Variants in SAMSN1 observed in about 807,000 individuals in gnomAD.
The protein encoded by SAMSN1 is SAM domain, SH3 domain and nuclear localization signals 1.
Under a neutral mutation model 42.0 loss-of-function variants are expected in SAMSN1, and 31 were observed. The observed-to-expected ratio is 0.74, with a 90% CI of 0.55 to 1.00. SAMSN1 has a LOEUF of 1.00. SAMSN1 is among the 50% of genes least tolerant of loss of function. SAMSN1 has a pLI of 0.00. For synonymous variants in SAMSN1, 178 were observed against 151.9 expected, an observed-to-expected ratio of 1.17 and a Z score of -1.26; for missense variants, 464 against 439.4, an observed-to-expected ratio of 1.06 and a Z score of -0.50.
At chr21:14,600,532 A>G (rs1330683447) in intron 6 of SAMSN1, among the ~76,000 whole-genome samples, 2 of 152,200 alleles carry the variant, frequency 1.3e-5, no homozygotes, top group Admixed American at 6.5e-5. Context: ...ATTTGGAAGC[A>G]CCATTTCTTG....
chr21:14,628,493 A>G, intron 2 of SAMSN1, among the ~76,000 whole-genome samples: 1 of 152,190 alleles, frequency 6.6e-6, no homozygotes, highest in East Asian at 1.9e-4. Context: ...AGTGTATCTA[A>G]GGCAATCAGA....
chr21:14,505,006 A>T (rs758831750), intron 5 of SAMSN1, among the ~76,000 whole-genome samples: 11 of 152,228 alleles, frequency 7.2e-5, no homozygotes, highest in African/African-American at 2.7e-4. Flanking sequence ...ATCAAACTTC[A>T]TATATGAAGG....
chr21:14,540,796 G>A (rs993427931), intron 1 of SAMSN1, among the ~76,000 whole-genome samples: 6 of 152,156 alleles, frequency 3.9e-5, no homozygotes, highest in Non-Finnish European at 8.8e-5. Context: ...TATACCCAAA[G>A]GATTATAAAT....
intron 2 of SAMSN1, among the ~76,000 whole-genome samples, chr21:14,578,070 G>A (rs1981565360): frequency 6.6e-6 from 1 of 151,978 alleles, no homozygotes; most frequent in Non-Finnish European, 1.5e-5. Flanking sequence ...CAGACCTCTG[G>A]GTGCTTTGAT....
chr21:14,596,046 A>G (rs1242674885), intron 6 of SAMSN1, among the ~76,000 whole-genome samples: 1 of 152,186 alleles, frequency 6.6e-6, no homozygotes, highest in African/African-American at 2.4e-5. Context: ...TATTTGTTAG[A>G]ATCAAGTATT....
At chr21:14,658,062 T>C (rs567088367) in intron 1 of SAMSN1, among the ~76,000 whole-genome samples, 1 of 151,940 alleles carries the variant, frequency 6.6e-6, no homozygotes, top group South Asian at 2.1e-4. Context: ...TGAATAAAAT[T>C]ATTTTTGAAA....
At chr21:14,547,277 C>T (rs1315939019), upstream of SAMSN1, among the ~76,000 whole-genome samples, 3 of 152,080 alleles carry the variant, frequency 2.0e-5, no homozygotes, top group African/African-American at 7.2e-5. Context: ...ACAAACGATG[C>T]CATATACTGA....
At chr21:14,504,787 C>T (rs1032989415) in intron 5 of SAMSN1, among the ~76,000 whole-genome samples, 3 of 152,178 alleles carry the variant, frequency 2.0e-5, no homozygotes, top group Non-Finnish European at 4.4e-5. Context: ...ATTGCCTAGG[C>T]ACATTGTCAT....
chr21:14,611,092 A>ATT (rs11459704), intron 4 of SAMSN1, among the ~76,000 whole-genome samples: 39 of 145,570 alleles, frequency 2.7e-4, no homozygotes, highest in African/African-American at 9.0e-4. Flanking sequence ...GGATAGGCAC[A>ATT]TTTTTTTTTT....
At chr21:14,613,915 A>T (rs942922769) in intron 3 of SAMSN1, among the ~76,000 whole-genome samples, 3 of 152,114 alleles carry the variant, frequency 2.0e-5, no homozygotes, top group African/African-American at 7.2e-5. Flanking sequence ...AGAGAAAAAC[A>T]TGCTTAAAAA....
At chr21:14,543,903 C>T (rs969084299) in intron 1 of SAMSN1, among the ~76,000 whole-genome samples, 4 of 152,094 alleles carry the variant, frequency 2.6e-5, no homozygotes, top group Admixed American at 2.6e-4. Context: ...GACAGTGATT[C>T]CCTATATTTC....
chr21:14,636,224 C>T (rs1223247811), intron 2 of SAMSN1, among the ~76,000 whole-genome samples: 1 of 152,174 alleles, frequency 6.6e-6, no homozygotes, highest in Non-Finnish European at 1.5e-5. Context: ...TCACTGTGTT[C>T]TCTAGATATC....
chr21:14,641,888 T>A (rs944099490), intron 2 of SAMSN1, among the ~76,000 whole-genome samples: 6 of 152,160 alleles, frequency 3.9e-5, no homozygotes, highest in African/African-American at 1.4e-4. Flanking sequence ...CCTAAAAACT[T>A]TACTAATAGT....
intron 2 of SAMSN1, among the ~76,000 whole-genome samples, chr21:14,577,378 G>T (rs2123233373): frequency 6.8e-6 from 1 of 147,130 alleles, no homozygotes; most frequent in South Asian, 2.2e-4. Context: ...CTCCCAAAGT[G>T]CTGAGATTAC....
At chr21:14,590,064 A>T (rs1250496282) in intron 7 of SAMSN1, among the ~76,000 whole-genome samples, 1 of 152,150 alleles carries the variant, frequency 6.6e-6, no homozygotes, top group Non-Finnish European at 1.5e-5. Context: ...TCGTTGTTTC[A>T]TTATTAAAAC....
At chr21:14,494,038 A>T (rs1259389089) in intron 7 of SAMSN1, among the ~76,000 whole-genome samples, 2 of 152,210 alleles carry the variant, frequency 1.3e-5, no homozygotes, top group East Asian at 3.8e-4. Flanking sequence ...TAGAATCAGG[A>T]TCATTAAAAA....
At chr21:14,517,880 C>T (rs947557093) in intron 2 of SAMSN1, among the ~76,000 whole-genome samples, 1 of 152,046 alleles carries the variant, frequency 6.6e-6, no homozygotes, top group Non-Finnish European at 1.5e-5. Context: ...ACCCACCTTG[C>T]CCCTCGCTAC....
At chr21:14,551,138 T>C (rs1262082465), upstream of SAMSN1, among the ~76,000 whole-genome samples, 1 of 152,074 alleles carries the variant, frequency 6.6e-6, no homozygotes, top group Non-Finnish European at 1.5e-5. Context: ...AAATACTATG[T>C]TTCTGAGTGG....
chr21:14,546,272 G>A lies in SAMSN1; in HGVS notation c.-11C>T. On this transcript the variant is annotated 5_prime_UTR_variant, in exon 1 of 8. Coordinates refer to ENST00000400566, the MANE Select transcript of SAMSN1 (RefSeq NM_022136.5). Reference sequence around the variant, plus strand: ...CTTTCTCTTGAGCATTTTGAATTCTGACTACTCCTAGTGAGTGCACTTTCT... The same window carrying A: ...CTTTCTCTTGAGCATTTTGAATTCTAACTACTCCTAGTGAGTGCACTTTCT... The A allele has an allele frequency of 6.2e-7, 1 of 1,613,216 alleles. No homozygotes were observed. Among genetic ancestry groups the A allele is most frequent in the Non-Finnish European group, 8.5e-7 (1 of 1,179,588 alleles).
Sources: allele counts gnomAD v4.1 joint callset (sites outside exome capture counted in the v4.1 genomes callset), GRCh38; gene constraint gnomAD v4.1.1; transcripts MANE v1.5; gene names NCBI Gene and HGNC (gene_info 2026-07-23, HGNC 2026-07-21).